The following ANO3 variants were observed in gnomAD, a reference collection of about 807,000 sequenced individuals.
The protein encoded by ANO3 is anoctamin-3.
ANO3 carries 99 observed loss-of-function variants against 144.8 expected under a neutral mutation model. That is an observed-to-expected ratio of 0.68 (90% CI 0.58 to 0.81). The LOEUF is 0.81. ANO3 is among the 30% of genes least tolerant of loss of function. The probability of loss-of-function intolerance (pLI) is 0.00; values close to 1 mark genes in which losing one functional copy is unlikely to be tolerated. For missense variants in ANO3, 905 were observed against 1,202.2 expected (o/e 0.75, Z 3.66); for synonymous variants, 414 against 392.6 (o/e 1.05, Z -0.64).
At chr11:26,269,643 T>C (rs1169943109) in intron 1 of ANO3, among the ~76,000 whole-genome samples, 1 of 152,174 alleles carries the variant, frequency 6.6e-6, no homozygotes, top group Admixed American at 6.5e-5. Context: ...GGCAGCTCAG[T>C]GCTCTGGCTC....
At chr11:26,636,014 A>G (rs1441590182) in intron 20 of ANO3, among the ~76,000 whole-genome samples, 1 of 152,112 alleles carries the variant, frequency 6.6e-6, no homozygotes, top group Non-Finnish European at 1.5e-5. Flanking sequence ...TCTGGGCAAA[A>G]TGGTGAGACC....
chr11:26,370,564 C>T (rs1317536944), intron 1 of ANO3, among the ~76,000 whole-genome samples: 1 of 152,038 alleles, frequency 6.6e-6, no homozygotes, highest in African/African-American at 2.4e-5. Context: ...CAGAAGAAAA[C>T]AGGAAAATGT....
intron 1 of ANO3, among the ~76,000 whole-genome samples, chr11:26,396,935 G>A (rs950452342): frequency 2.0e-5 from 3 of 148,264 alleles, no homozygotes; most frequent in Non-Finnish European, 3.0e-5. Flanking sequence ...CAGGACTTAA[G>A]GTATAATAAT....
intron 14 of ANO3, among the ~76,000 whole-genome samples, chr11:26,585,401 T>C (rs1044390812): frequency 5.3e-5 from 8 of 152,194 alleles, no homozygotes; most frequent in Non-Finnish European, 1.2e-4. Flanking sequence ...TTAATGACTT[T>C]CATTTTATAC....
intron 24 of ANO3, 34 bp from the exon 25 acceptor site, chr11:26,656,091 C>T (rs1406431357): frequency 6.7e-7 from 1 of 1,492,154 alleles, no homozygotes; most frequent in South Asian, 1.2e-5. Context: ...ACGTATGAAT[C>T]TTTGAATCAC....
At chr11:26,240,117 C>T (rs552789561) in intron 1 of ANO3, among the ~76,000 whole-genome samples, 63 of 152,222 alleles carry the variant, frequency 4.1e-4, no homozygotes, top group African/African-American at 1.4e-3. Context: ...TCTACAAAAT[C>T]AAAATAATAA....
At chr11:26,503,516 G>A (rs1049526832) in intron 4 of ANO3, among the ~76,000 whole-genome samples, 21 of 152,218 alleles carry the variant, frequency 1.4e-4, no homozygotes, top group African/African-American at 4.8e-4. Context: ...CCTGTACTGA[G>A]TTCTTGCTAC....
intron 1 of ANO3, among the ~76,000 whole-genome samples, chr11:26,225,168 G>GA (rs1451915526): frequency 6.6e-6 from 1 of 151,912 alleles, no homozygotes; most frequent in Non-Finnish European, 1.5e-5. Context: ...GTAAGTGGCG[G>GA]AAAAAAATAG....
intron 1 of ANO3, among the ~76,000 whole-genome samples, chr11:26,365,954 TTA>T (rs1158168765): frequency 1.1e-3 from 61 of 54,382 alleles, no homozygotes; most frequent in African/African-American, 3.6e-3. Flanking sequence ...CATTTTTTCT[TTA>T]TATATATATA....
intron 5 of ANO3, among the ~76,000 whole-genome samples, chr11:26,512,566 T>G (rs752425957): frequency 2.6e-5 from 4 of 152,154 alleles, no homozygotes; most frequent in Non-Finnish European, 5.9e-5. Context: ...TTAAGTTGAG[T>G]AAGTTATAAA....
At chr11:26,530,733 G>T (rs1020077091) in intron 7 of ANO3, among the ~76,000 whole-genome samples, 1 of 151,968 alleles carries the variant, frequency 6.6e-6, no homozygotes, top group African/African-American at 2.4e-5. Context: ...GCTGGACTTG[G>T]TGGCTCGCGC....
At chr11:26,561,913 C>T (rs1850309674) in intron 14 of ANO3, among the ~76,000 whole-genome samples, 1 of 151,934 alleles carries the variant, frequency 6.6e-6, no homozygotes, top group South Asian at 2.1e-4. Flanking sequence ...TATCAGTAAA[C>T]TATTCACTTA....
intron 21 of ANO3, among the ~76,000 whole-genome samples, chr11:26,640,314 A>G (rs1853108297): frequency 6.6e-6 from 1 of 152,218 alleles, no homozygotes; most frequent in African/African-American, 2.4e-5. Flanking sequence ...ATCATAAACG[A>G]CAGAACCTTT....
chr11:26,246,890 G>T (rs1215545411), intron 1 of ANO3, among the ~76,000 whole-genome samples: 2 of 152,114 alleles, frequency 1.3e-5, no homozygotes, highest in African/African-American at 4.8e-5. Flanking sequence ...TGCCATGATT[G>T]TGAGGCCTCC....
intron 4 of ANO3, among the ~76,000 whole-genome samples, chr11:26,466,707 A>G (rs1373557999): frequency 6.6e-6 from 1 of 151,982 alleles, no homozygotes; most frequent in Non-Finnish European, 1.5e-5. Context: ...CTGAGACCAG[A>G]AGAGCTACCC....
intron 17 of ANO3, among the ~76,000 whole-genome samples, chr11:26,612,462 C>T (rs1479464778): frequency 2.7e-5 from 4 of 150,598 alleles, no homozygotes; most frequent in African/African-American, 9.8e-5. Flanking sequence ...TCCTAAGCCA[C>T]GAATTCTGGC....
intron 17 of ANO3, among the ~76,000 whole-genome samples, chr11:26,615,414 A>ATATATTTATTTT (rs1352935016): frequency 7.7e-6 from 1 of 130,700 alleles, no homozygotes; most frequent in African/African-American, 3.0e-5. Context: ...ATATATATAT[A>ATATATTTATTTT]TTTTTTTTTT....
intron 4 of ANO3, among the ~76,000 whole-genome samples, chr11:26,488,931 TAGAGTGCTGATTGGTATGTTTTTAC>T (rs1295050556): frequency 2.0e-5 from 3 of 152,154 alleles, no homozygotes; most frequent in African/African-American, 7.2e-5. Context: ...GTCCACTTTA[TAGAGTGCTGATTGGTATGTTTTTAC>T]AGAGTGCTGA....
At chr11:26,446,522 G>GA (rs903813409) in intron 3 of ANO3, among the ~76,000 whole-genome samples, 61 of 152,102 alleles carry the variant, frequency 4.0e-4, no homozygotes, top group Non-Finnish European at 7.6e-4. Flanking sequence ...AACCATGAAG[G>GA]AAAAAATATT....
Sources: gnomAD v4.1 joint callset for allele counts (sites outside exome capture counted in the v4.1 genomes callset) on GRCh38, gnomAD v4.1.1 for gene constraint, MANE v1.5 for transcripts, NCBI Gene and HGNC (gene_info 2026-07-23, HGNC 2026-07-21) for gene names.